SLC39A11: variants seen among roughly 807,000 people sequenced by gnomAD.
SLC39A11 encodes solute carrier family 39 member 11, also known as zinc transporter ZIP11.
Under a neutral mutation model 36.1 loss-of-function variants are expected in SLC39A11, and 33 were observed. That is an observed-to-expected ratio of 0.91 (90% confidence interval 0.69 to 1.22). SLC39A11 has a LOEUF of 1.22. Ranked by LOEUF, SLC39A11 falls within the 50% of genes most tolerant of loss-of-function variation. The pLI is 0.00. For missense variants in SLC39A11, 432 were observed against 430.3 expected (o/e 1.00, Z -0.03); for synonymous variants, 166 against 170.3 (o/e 0.97, Z 0.20).
chr17:72,875,944 G>T (rs1173743488), intron 5 of SLC39A11, among the ~76,000 whole-genome samples: 1 of 152,122 alleles, frequency 6.6e-6, no homozygotes, highest in African/African-American at 2.4e-5. Flanking sequence ...CCCTTTCCAT[G>T]GCAATGACCC....
intron 3 of SLC39A11, among the ~76,000 whole-genome samples, chr17:73,065,297 C>T (rs553097978): frequency 3.5e-4 from 53 of 152,010 alleles, no homozygotes; most frequent in Non-Finnish European, 6.5e-4. Flanking sequence ...CCCAGCTACT[C>T]GGGAGGCTGA....
Position 72,938,630 on chromosome 17 carries a change from C to T in SLC39A11, c.430+9122G>A, listed in dbSNP as rs527541870. ...CAAAGCAAAATAATAATATGAAAAGCGCCCAGGCTGTGTGGCTTCAGGCAC... is the reference window on the plus strand; with the variant it reads ...CAAAGCAAAATAATAATATGAAAAGTGCCCAGGCTGTGTGGCTTCAGGCAC... On this transcript the variant is annotated intron_variant, in intron 5 of 9. Transcript: ENST00000255559. Among the ~76,000 whole-genome samples, 239 of 152,232 alleles carry T rather than the reference C, an allele frequency of 1.6e-3. 1 individual carries two copies. The highest frequency in any genetic ancestry group is 5.4e-3 in the African/African-American group (226 of 41,532).
intron 6 of SLC39A11, among the ~76,000 whole-genome samples, chr17:72,800,761 G>C (rs79307010): frequency 0.031 from 4,707 of 152,210 alleles, 232 homozygotes; most frequent in African/African-American, 0.1. Flanking sequence ...AAGGAAGCAG[G>C]GTGTTCGCAA....
chr17:72,784,694 C>G (rs1158238316), intron 6 of SLC39A11, among the ~76,000 whole-genome samples: 1 of 151,922 alleles, frequency 6.6e-6, no homozygotes, highest in Non-Finnish European at 1.5e-5. Context: ...CTCCCCTCCC[C>G]TCTTTCTCGC....
intron 6 of SLC39A11, among the ~76,000 whole-genome samples, chr17:72,766,676 C>A (rs1402291450): frequency 6.6e-6 from 1 of 152,168 alleles, no homozygotes; most frequent in African/African-American, 2.4e-5. Flanking sequence ...CCTTTCCTGG[C>A]CTCTAAACTG....
chr17:73,079,027 T>C (rs901103809), intron 3 of SLC39A11, among the ~76,000 whole-genome samples: 2 of 152,178 alleles, frequency 1.3e-5, no homozygotes, highest in Admixed American at 1.3e-4. Flanking sequence ...GCTTGACTTG[T>C]ATTTCAATTC....
intron 6 of SLC39A11, among the ~76,000 whole-genome samples, chr17:72,838,444 G>A (rs2078667088): frequency 1.3e-5 from 2 of 151,844 alleles, no homozygotes. Flanking sequence ...TGCCCAGGAT[G>A]GTCTCCAACT....
intron 7 of SLC39A11, among the ~76,000 whole-genome samples, chr17:72,732,821 A>G (rs2074285436): frequency 6.6e-6 from 1 of 152,146 alleles, no homozygotes; most frequent in Non-Finnish European, 1.5e-5. Flanking sequence ...CTAGGCCAGT[A>G]TTTATGCTCT....
chr17:72,682,229 A>T (rs1353992238), intron 7 of SLC39A11, among the ~76,000 whole-genome samples: 2 of 152,112 alleles, frequency 1.3e-5, no homozygotes, highest in East Asian at 3.9e-4. Flanking sequence ...TACATATTAC[A>T]ATGTGATTGT....
chr17:72,824,146 C>T (rs570176250), intron 6 of SLC39A11, among the ~76,000 whole-genome samples: 24 of 151,238 alleles, frequency 1.6e-4, no homozygotes, highest in African/African-American at 5.5e-4. Context: ...AGGAGGGGCC[C>T]GGTGGGAGGT....
chr17:72,710,321 C>A (rs182968293), intron 7 of SLC39A11, among the ~76,000 whole-genome samples: 2 of 152,270 alleles, frequency 1.3e-5, no homozygotes, highest in Admixed American at 1.3e-4. Flanking sequence ...TTCATCTCTG[C>A]TTTGGCTTGA....
chr17:72,712,212 C>T (rs139694469), intron 7 of SLC39A11, among the ~76,000 whole-genome samples: 2 of 152,352 alleles, frequency 1.3e-5, no homozygotes, highest in South Asian at 4.1e-4. Flanking sequence ...GGAAGACAGA[C>T]AGGGGACAGG....
At position 72,820,064 on chromosome 17, in the gene SLC39A11, C is replaced by T. The variant is rs149536148; in HGVS notation, c.601+29570G>A. Among the ~76,000 whole-genome samples, 87 of 151,312 alleles carry T rather than the reference C, an allele frequency of 5.7e-4. 1 individual carries two copies. The highest frequency in any genetic ancestry group is 2.1e-3 in the South Asian group (10 of 4,744). On this transcript the variant is annotated intron_variant, in intron 6 of 9. Transcript: ENST00000255559. The stretch of plus-strand genomic sequence containing the variant: ...GCTTCCTTCCGATTGACAACGAGCA[C>T]GCCAAAGCCAGAAAACAAGTGACTT...
chr17:72,700,706 T>C (rs573569367), intron 7 of SLC39A11, among the ~76,000 whole-genome samples: 1 of 152,344 alleles, frequency 6.6e-6, no homozygotes, highest in Admixed American at 6.5e-5. Context: ...AGAGATTTAA[T>C]GGACTCACAA....
intron 4 of SLC39A11, among the ~76,000 whole-genome samples, chr17:73,013,796 A>G (rs1214209171): frequency 1.3e-5 from 2 of 152,128 alleles, no homozygotes; most frequent in Non-Finnish European, 2.9e-5. Flanking sequence ...AAAGGATCAC[A>G]TCCACATGGT....
In SLC39A11 at chr17:72,844,625, C is replaced by T. The variant is rs546953275; in HGVS notation, c.601+5009G>A. On this transcript the variant is annotated intron_variant, in intron 6 of 9. Transcript: ENST00000255559. ...TGGAGGTTGCAGTGAGCCAAAATTG[C>T]GCCACTGCACTCCAGCCTGGGCATC... 4.6e-5 allele frequency among the ~76,000 whole-genome samples: 7 copies of T among 152,222 alleles called. No individual in the cohort carries two copies. The East Asian group carries it at 5.8e-4, about 13-fold the overall frequency.
chr17:72,797,102 C>T (rs1485089974), intron 6 of SLC39A11, among the ~76,000 whole-genome samples: 6 of 152,090 alleles, frequency 3.9e-5, no homozygotes, highest in African/African-American at 1.5e-4. Flanking sequence ...GTATCTCACA[C>T]ATTGTTCCAT....
intron 3 of SLC39A11, among the ~76,000 whole-genome samples, chr17:73,079,182 C>T (rs376919840): frequency 3.3e-5 from 5 of 152,298 alleles, no homozygotes; most frequent in Non-Finnish European, 1.5e-5. Context: ...ACTGCAACCT[C>T]TGCCTCCCCG....
intron 6 of SLC39A11, among the ~76,000 whole-genome samples, chr17:72,800,615 A>G (rs2713984): frequency 0.029 from 4,439 of 152,212 alleles, 168 homozygotes; most frequent in African/African-American, 0.081. Context: ...TGGCTGACTT[A>G]GAAGAATTTT....
Sources: allele counts gnomAD v4.1 joint callset (sites outside exome capture counted in the v4.1 genomes callset), GRCh38; gene constraint gnomAD v4.1.1; transcripts MANE v1.5; gene names NCBI Gene and HGNC (gene_info 2026-07-23, HGNC 2026-07-21).